Variants in PLAGL1 observed in about 807,000 individuals in gnomAD.
The protein encoded by PLAGL1 is PLAG1 like zinc finger 1.
Under a neutral mutation model 4.6 loss-of-function variants are expected in PLAGL1, and 1 was observed. That is an observed-to-expected ratio of 0.22 (90% CI 0.08 to 1.03). The LOEUF is 1.03. PLAGL1 is among the 50% of genes least tolerant of loss of function. PLAGL1 has a pLI of 0.58. For missense variants in PLAGL1, 464 were observed against 570.4 expected, an observed-to-expected ratio of 0.81 and a Z score of 1.90; for synonymous variants, 240 against 237.8, an observed-to-expected ratio of 1.01 and a Z score of -0.08.
In PLAGL1 at chr6:143,949,762, AC is replaced by A. The variant is rs1780622909; in HGVS notation, c.-324-1303del. ...AAGCAGGGCACTTCATGGTAAACTG[AC>A]CAATTGCAGTGAGTCTTTAAAGCCC... On this transcript the variant is annotated intron_variant, in intron 6 of 7. Transcript: ENST00000674357. This position sits in a 1 kb window ranked among gnomAD's most constrained non-coding sequence, Gnocchi z 5.3. Among the ~76,000 whole-genome samples, 1 of 152,168 alleles carries A rather than the reference AC, an allele frequency of 6.6e-6. No homozygotes were observed. The highest frequency in any genetic ancestry group is 2.1e-4 in the South Asian group (1 of 4,824).
chr6:143,946,172 C>T (rs1583057472), intron 7 of PLAGL1, among the ~76,000 whole-genome samples: 1 of 152,342 alleles, frequency 6.6e-6, no homozygotes, highest in South Asian at 2.1e-4. Context: ...CCTGCAAATA[C>T]TGTACTTTCA....
Position 143,962,594 on chromosome 6 carries a change from A to C in PLAGL1, c.-398-2052T>G, listed in dbSNP as rs1020377449. On this transcript the variant is annotated intron_variant, in intron 5 of 7. Coordinates refer to ENST00000674357, the MANE Select transcript of PLAGL1 (RefSeq NM_001317162.2). This position sits in a 1 kb window ranked among gnomAD's most constrained non-coding sequence, Gnocchi z 5.3. ...AGTTCCAGGATGTGTTTTTGCTGTC[A>C]CAATATGTTTTTCTAGGCATTTGCT... 6.6e-6 allele frequency among the ~76,000 whole-genome samples: 1 copy of C among 152,214 alleles called. No individual in the cohort carries two copies. Among genetic ancestry groups the C allele is most frequent in the African/African-American group, 2.4e-5 (1 of 41,454 alleles).
Position 144,004,166 on chromosome 6 carries a change from G to T in PLAGL1, c.-584+3924C>A, listed in dbSNP as rs9496835. On this transcript the variant is annotated intron_variant, in intron 1 of 7. Transcript: ENST00000674357. This position sits in a 1 kb window ranked among gnomAD's most constrained non-coding sequence, Gnocchi z 4.2. ...CAACTACTCAACTCTGCCAAATGGG[G>T]ATAACTATGTTCCAGTAATTTTTTT... Among the ~76,000 whole-genome samples, 3 of 148,054 alleles carry T rather than the reference G, an allele frequency of 2.0e-5. No individual in the cohort carries two copies. The highest frequency in any genetic ancestry group is 4.5e-5 in the Non-Finnish European group (3 of 67,186).
At chr6:144,018,720 T>G (rs561080405) in intron 1 of PLAGL1, among the ~76,000 whole-genome samples, 10 of 152,296 alleles carry the variant, frequency 6.6e-5, no homozygotes, top group African/African-American at 2.4e-4. Flanking sequence ...TGCAAGAACT[T>G]TAAAAAAAGT....
chr6:144,010,654 C>T (rs1795109798), upstream of PLAGL1, among the ~76,000 whole-genome samples: 3 of 152,288 alleles, frequency 2.0e-5, 1 homozygote, highest in South Asian at 6.2e-4. The surrounding 1 kb of genome is among the most constrained non-coding windows in gnomAD (Gnocchi z 4.1). Context: ...CAAGACAATC[C>T]TAAGCAAAAA....
At chr6:143,967,915 T>C (rs1366921241) in intron 3 of PLAGL1, 9 of 144,400 alleles carry the variant, frequency 6.2e-5, no homozygotes, top group Non-Finnish European at 1.3e-4. Flanking sequence ...GGGAATTGAA[T>C]GTAAGATGGG....
chr6:144,011,388 A>G (rs1795177076), upstream of PLAGL1, among the ~76,000 whole-genome samples: 1 of 152,188 alleles, frequency 6.6e-6, no homozygotes, highest in African/African-American at 2.4e-5. This position sits in a 1 kb window ranked among gnomAD's most constrained non-coding sequence, Gnocchi z 4.3. Flanking sequence ...TGCTTCAAAG[A>G]TTTCTGTGGA....
chr6:143,970,499 A>G lies in PLAGL1; in HGVS notation c.-543-1521T>C, dbSNP rs1785220753. Among the ~76,000 whole-genome samples the G allele has an allele frequency of 6.6e-6, 1 of 152,170 alleles. No homozygotes were observed. Among genetic ancestry groups the G allele is most frequent in the Admixed American group, 6.5e-5 (1 of 15,268 alleles). ...ATTATTTAATTTTAGATAGTTCTGT[A>G]TTTCAGAATAGCTTTCTTGCAACTA... is the stretch of plus-strand genomic sequence containing the variant. On this transcript the variant is annotated intron_variant, in intron 2 of 7. Coordinates refer to ENST00000674357, the MANE Select transcript of PLAGL1 (RefSeq NM_001317162.2). The surrounding 1 kb of genome is among the most constrained non-coding windows in gnomAD (Gnocchi z 5.8).
chr6:144,057,990 T>G (rs1799113819), intron 1 of PLAGL1, among the ~76,000 whole-genome samples: 1 of 152,208 alleles, frequency 6.6e-6, no homozygotes, highest in African/African-American at 2.4e-5. Flanking sequence ...ACACCTATAC[T>G]AAAGCTAAAA....
rs74695246 is a variant in PLAGL1 at position 143,962,835 on chromosome 6, A to G, written c.-399+1952T>C. ...GTGGGAAAGAATTGGGCAACCCTCAAACACTGGGAAGTCTGCCCTGGTTTT... is the reference window on the plus strand; with the variant it reads ...GTGGGAAAGAATTGGGCAACCCTCAGACACTGGGAAGTCTGCCCTGGTTTT... On this transcript the variant is annotated intron_variant, in intron 5 of 7. Transcript: ENST00000674357. The surrounding 1 kb of genome is among the most constrained non-coding windows in gnomAD (Gnocchi z 5.3). 6.6e-3 allele frequency among the ~76,000 whole-genome samples: 1,006 copies of G among 152,324 alleles called. 42 individuals are homozygous for G. The East Asian group carries it at 0.11, about 17-fold the overall frequency.
At chr6:144,026,142 C>G (rs1238705017) in intron 1 of PLAGL1, among the ~76,000 whole-genome samples, 2 of 151,978 alleles carry the variant, frequency 1.3e-5, no homozygotes, top group African/African-American at 4.8e-5. Context: ...TATTAGAATC[C>G]AACTTATATA....
rs1189389918 is a variant in PLAGL1 at position 143,954,374 on chromosome 6, G to A, written c.-324-5914C>T. On this transcript the variant is annotated intron_variant, in intron 6 of 7. Transcript: ENST00000674357. This position sits in a 1 kb window ranked among gnomAD's most constrained non-coding sequence, Gnocchi z 5.1. ...GAGAGAACAGAGGTCCTTAAAAGAAGAGCAGGATATTATTTTTTAAAGAGG... is the reference window on the plus strand; with the variant it reads ...GAGAGAACAGAGGTCCTTAAAAGAAAAGCAGGATATTATTTTTTAAAGAGG... 3.3e-5 allele frequency among the ~76,000 whole-genome samples: 5 copies of A among 152,194 alleles called. No individual in the cohort carries two copies.
chr6:144,056,087 C>T lies in PLAGL1; in HGVS notation c.-151+8381G>A, dbSNP rs1798942844. ...TCCCCTCATCCCTTTCTCCATCCCA[C>T]CCCCACCTCTGAAGAAATCTAGACC... On this transcript the variant is annotated intron_variant, in intron 1 of 3. Coordinates refer to the PLAGL1 transcript ENST00000437412. This position sits in a 1 kb window ranked among gnomAD's most constrained non-coding sequence, Gnocchi z 4.7. Among the ~76,000 whole-genome samples, 1 of 151,462 alleles carries T rather than the reference C, an allele frequency of 6.6e-6. No individual in the cohort carries two copies. The highest frequency in any genetic ancestry group is 1.5e-5 in the Non-Finnish European group (1 of 67,878).
At position 144,015,790 on chromosome 6, in the gene PLAGL1, A is replaced by G. The variant is rs1216515689; in HGVS notation, c.-150-46812T>C. On this transcript the variant is annotated intron_variant, in intron 1 of 3. Transcript: ENST00000437412. This position sits in a 1 kb window ranked among gnomAD's most constrained non-coding sequence, Gnocchi z 4.3. ...CGCACATTGCTAGAAGAAATATAAAATGATACAGCCACTTTGGAAAACAGT... is the reference window on the plus strand; with the variant it reads ...CGCACATTGCTAGAAGAAATATAAAGTGATACAGCCACTTTGGAAAACAGT... 6.6e-6 allele frequency among the ~76,000 whole-genome samples: 1 copy of G among 152,258 alleles called. No individual in the cohort carries two copies. Among genetic ancestry groups the G allele is most frequent in the Non-Finnish European group, 1.5e-5 (1 of 68,046 alleles).
In PLAGL1 at chr6:143,957,568, C is replaced by G. The variant is rs781113697; in HGVS notation, c.-325+2901G>C. Among the ~76,000 whole-genome samples the G allele has an allele frequency of 6.6e-6, 1 of 152,102 alleles. No individual in the cohort carries two copies. The highest frequency in any genetic ancestry group is 2.4e-5 in the African/African-American group (1 of 41,410). On this transcript the variant is annotated intron_variant, in intron 6 of 7. Coordinates refer to ENST00000674357, the MANE Select transcript of PLAGL1 (RefSeq NM_001317162.2). The surrounding 1 kb of genome is among the most constrained non-coding windows in gnomAD (Gnocchi z 4.2). ...ACCAGAACTCTAATTAGCAGCAGGA[C>G]CTATTATTTTTCCAATAAGGTTAAC...
At position 144,056,975 on chromosome 6, in the gene PLAGL1, C is replaced by T. The variant is rs573907242; in HGVS notation, c.-151+7493G>A. Among the ~76,000 whole-genome samples, 21 of 152,276 alleles carry T rather than the reference C, an allele frequency of 1.4e-4. No individual in the cohort carries two copies. The highest frequency in any genetic ancestry group is 5.1e-4 in the African/African-American group (21 of 41,556). ...ATTTCTTTTTAGTGCTAAATAATGT[C>T]CCATTGGCTGGATGAACCACAGTTT... is the stretch of plus-strand genomic sequence containing the variant. On this transcript the variant is annotated intron_variant, in intron 1 of 3. Coordinates refer to the PLAGL1 transcript ENST00000437412. This position sits in a 1 kb window ranked among gnomAD's most constrained non-coding sequence, Gnocchi z 4.7.
At position 144,058,917 on chromosome 6, in the gene PLAGL1, C is replaced by A. The variant is rs138657623; in HGVS notation, c.-151+5551G>T. ...CATCTTTTCTAGGCAAGAGTGCAAG[C>A]TGCTGGTGGATCTACCATTCTGGGG... On this transcript the variant is annotated intron_variant, in intron 1 of 3. Coordinates refer to the PLAGL1 transcript ENST00000437412. 7.9e-5 allele frequency among the ~76,000 whole-genome samples: 12 copies of A among 152,248 alleles called. No individual in the cohort carries two copies. In the East Asian group the frequency reaches 2.3e-3, roughly 29 times the overall value.
At position 144,027,280 on chromosome 6, in the gene PLAGL1, A is replaced by G. The variant is rs1796437936; in HGVS notation, c.-151+37188T>C. On this transcript the variant is annotated intron_variant, in intron 1 of 3. Coordinates refer to the PLAGL1 transcript ENST00000437412. The surrounding 1 kb of genome is among the most constrained non-coding windows in gnomAD (Gnocchi z 5.8). ...GAAAGAAAGAAAGAAAGAAAGAAAG[A>G]AAGAAAGAAAGAAAGTTATTTGATC... 6.9e-6 allele frequency among the ~76,000 whole-genome samples: 1 copy of G among 145,938 alleles called. No homozygotes were observed. Among genetic ancestry groups the G allele is most frequent in the Admixed American group, 7.3e-5 (1 of 13,778 alleles).
intron 1 of PLAGL1, among the ~76,000 whole-genome samples, chr6:144,058,402 T>C (rs1006696352): frequency 6.6e-6 from 1 of 152,192 alleles, no homozygotes; most frequent in Non-Finnish European, 1.5e-5. Context: ...CATTTCAACA[T>C]GAGATTTGGA....
Sources: allele counts gnomAD v4.1 joint callset (sites outside exome capture counted in the v4.1 genomes callset), GRCh38; gene constraint gnomAD v4.1.1; non-coding constraint Gnocchi (gnomAD v3.1); transcripts MANE v1.5; gene names NCBI Gene and HGNC (gene_info 2026-07-23, HGNC 2026-07-21).